The following CNTNAP2 variants were observed in gnomAD, a reference collection of about 807,000 sequenced individuals.
CNTNAP2 encodes the protein contactin-associated protein-like 2.
Under a neutral mutation model 155.2 loss-of-function variants are expected in CNTNAP2, and 98 were observed. The ratio of observed to expected loss-of-function variants is 0.63; its 90% CI spans 0.54 to 0.75. CNTNAP2 has a LOEUF of 0.75. CNTNAP2 is among the 30% of genes least tolerant of loss of function. The pLI is 0.00. For synonymous variants in CNTNAP2, 651 were observed against 631.2 expected (o/e 1.03, Z -0.47); for missense variants, 1,727 against 1,688.1 (o/e 1.02, Z -0.40).
intron 3 of CNTNAP2, among the ~76,000 whole-genome samples, chr7:146,969,036 A>T (rs1797722434): frequency 6.7e-6 from 1 of 150,074 alleles, no homozygotes; most frequent in African/African-American, 2.5e-5. Flanking sequence ...GTTTCAAAGA[A>T]CATCTTTATT....
intron 13 of CNTNAP2, among the ~76,000 whole-genome samples, chr7:147,713,106 C>T (rs558568583): frequency 3.3e-5 from 5 of 152,172 alleles, no homozygotes; most frequent in African/African-American, 4.8e-5. Flanking sequence ...CTCCTAAGAA[C>T]ACGGTGGCAA....
intron 1 of CNTNAP2, among the ~76,000 whole-genome samples, chr7:146,443,763 A>C (rs1796361427): frequency 6.6e-6 from 1 of 152,188 alleles, no homozygotes; most frequent in Non-Finnish European, 1.5e-5. Flanking sequence ...CAGAGCTGCT[A>C]TCCTAGCGCT....
chr7:146,961,944 A>G (rs1797564969), intron 3 of CNTNAP2, among the ~76,000 whole-genome samples: 1 of 152,166 alleles, frequency 6.6e-6, no homozygotes, highest in South Asian at 2.1e-4. Context: ...GCTTGAGGTC[A>G]TAGAGAGACT....
chr7:148,331,710 A>G (rs1340101306), intron 21 of CNTNAP2, among the ~76,000 whole-genome samples: 30 of 150,954 alleles, frequency 2.0e-4, no homozygotes, highest in Middle Eastern at 3.5e-3. Flanking sequence ...GGATGGATGG[A>G]GTGGACGGAT....
intron 14 of CNTNAP2, among the ~76,000 whole-genome samples, chr7:147,944,990 AG>A (rs2116820644): frequency 6.6e-6 from 1 of 152,318 alleles, no homozygotes; most frequent in African/African-American, 2.4e-5. Context: ...TGATGCTCCC[AG>A]GCACAGTTTC....
chr7:146,390,002 C>A (rs1795517650), intron 1 of CNTNAP2, among the ~76,000 whole-genome samples: 1 of 151,784 alleles, frequency 6.6e-6, no homozygotes, highest in Non-Finnish European at 1.5e-5. Context: ...AGCCCAGCCC[C>A]GTATTTCTTT....
At chr7:148,145,300 A>G (rs1805156430) in intron 16 of CNTNAP2, among the ~76,000 whole-genome samples, 1 of 152,188 alleles carries the variant, frequency 6.6e-6, no homozygotes, top group Admixed American at 6.5e-5. Context: ...TAAAATATTG[A>G]TGTTAAGGTG....
At chr7:146,355,746 T>G (rs1794988112) in intron 1 of CNTNAP2, among the ~76,000 whole-genome samples, 2 of 152,228 alleles carry the variant, frequency 1.3e-5, no homozygotes, top group Non-Finnish European at 2.9e-5. Context: ...TTTTTGCTTT[T>G]GTCTTGTTCA....
intron 8 of CNTNAP2, among the ~76,000 whole-genome samples, chr7:147,151,312 G>T (rs1801820820): frequency 1.3e-5 from 2 of 152,090 alleles, no homozygotes; most frequent in Admixed American, 6.6e-5. Flanking sequence ...AACGCTAAGA[G>T]GGAACTGGTG....
intron 11 of CNTNAP2, among the ~76,000 whole-genome samples, chr7:147,506,816 G>A (rs1048625707): frequency 6.6e-6 from 1 of 152,034 alleles, no homozygotes; most frequent in African/African-American, 2.4e-5. Flanking sequence ...TTGATTTTCT[G>A]CTCTCTTTAC....
At chr7:147,094,028 C>T (rs1035549157) in intron 4 of CNTNAP2, among the ~76,000 whole-genome samples, 1 of 152,156 alleles carries the variant, frequency 6.6e-6, no homozygotes, top group Non-Finnish European at 1.5e-5. Flanking sequence ...GTCACCAGCT[C>T]ACGGCTCTTT....
chr7:147,840,519 C>T (rs1239319793), intron 13 of CNTNAP2, among the ~76,000 whole-genome samples: 2 of 152,092 alleles, frequency 1.3e-5, no homozygotes, highest in Non-Finnish European at 2.9e-5. Context: ...AAGTACAACA[C>T]TGCTCTTACA....
intron 4 of CNTNAP2, among the ~76,000 whole-genome samples, chr7:147,071,621 T>G (rs1043902770): frequency 6.6e-6 from 1 of 152,204 alleles, no homozygotes; most frequent in African/African-American, 2.4e-5. Context: ...AGATATTCCC[T>G]GGCCACATAT....
intron 1 of CNTNAP2, among the ~76,000 whole-genome samples, chr7:146,161,743 G>A (rs1026993943): frequency 3.2e-4 from 49 of 152,048 alleles, no homozygotes; most frequent in East Asian, 1.9e-4. Flanking sequence ...GATGCATCAC[G>A]CTACCTGACT....
intron 8 of CNTNAP2, among the ~76,000 whole-genome samples, chr7:147,257,599 G>A (rs148078257): frequency 7.9e-5 from 12 of 152,260 alleles, no homozygotes; most frequent in African/African-American, 1.2e-4. Context: ...CTACGGTACC[G>A]CCATCAGGCA....
In CNTNAP2 at chr7:146,217,670, G is replaced by A. The variant is rs111938182; in HGVS notation, c.97+100697G>A. ...TGTGCCCATGTGAAAGAAATATATA[G>A]ACAAAATTAATCTAGGATGGAAAAT... On this transcript the variant is annotated intron_variant, in intron 1 of 23. Transcript: ENST00000361727. 2.4e-3 allele frequency among the ~76,000 whole-genome samples: 367 copies of A among 152,228 alleles called. 4 individuals carry two copies. Among genetic ancestry groups the A allele is most frequent in the African/African-American group, 8.4e-3 (351 of 41,544 alleles).
chr7:146,311,555 G>A (rs1266745361), intron 1 of CNTNAP2, among the ~76,000 whole-genome samples: 7 of 127,766 alleles, frequency 5.5e-5, no homozygotes, highest in African/African-American at 1.2e-4. Flanking sequence ...AGAATCCCTC[G>A]AAGCCTGGAG....
intron 9 of CNTNAP2, among the ~76,000 whole-genome samples, chr7:147,387,053 A>G (rs138094094): frequency 6.6e-6 from 1 of 152,104 alleles, no homozygotes; most frequent in Non-Finnish European, 1.5e-5. Context: ...ATCTCGTGAG[A>G]CGTATTCACC....
At chr7:148,402,234 T>C (rs1302279366) in intron 22 of CNTNAP2, among the ~76,000 whole-genome samples, 1 of 152,202 alleles carries the variant, frequency 6.6e-6, no homozygotes, top group Non-Finnish European at 1.5e-5. Context: ...AAGCTGGAAA[T>C]GTAAAGCTTG....
Sources: gnomAD v4.1 joint callset for allele counts (sites outside exome capture counted in the v4.1 genomes callset) on GRCh38, gnomAD v4.1.1 for gene constraint, MANE v1.5 for transcripts, NCBI Gene and HGNC (gene_info 2026-07-23, HGNC 2026-07-21) for gene names.